The following SEMA4D variants were observed in gnomAD, a reference collection of about 807,000 sequenced individuals.
SEMA4D encodes semaphorin-4D.
A neutral mutation model predicts 74.8 loss-of-function variants in SEMA4D; 22 were observed. The observed-to-expected ratio is 0.29, with a 90% confidence interval of 0.21 to 0.42. The LOEUF (loss-of-function observed/expected upper bound fraction) is 0.42, where lower values mean the gene tolerates loss of function less well. SEMA4D is among the 10% of genes least tolerant of loss of function. SEMA4D has a pLI of 1.00. For missense variants in SEMA4D, 937 were observed against 1,118.4 expected, an observed-to-expected ratio of 0.84 and a Z score of 2.31; for synonymous variants, 445 against 463.7, an observed-to-expected ratio of 0.96 and a Z score of 0.52.
chr9:89,496,783 C>T (rs1210086481), intron 1 of SEMA4D, among the ~76,000 whole-genome samples: 6 of 152,202 alleles, frequency 3.9e-5, no homozygotes, highest in Non-Finnish European at 8.8e-5. Flanking sequence ...AGCAGGCAGG[C>T]CCCAGGCCTA....
chr9:89,377,245 A>C lies in SEMA4D; in HGVS notation c.*1459T>G. 1 of 752,980 alleles carries C rather than the reference A, an allele frequency of 1.3e-6. No homozygotes were observed. Among genetic ancestry groups the C allele is most frequent in the Non-Finnish European group, 2.0e-6 (1 of 511,260 alleles). 46.6% of individuals were successfully genotyped at this position (752,980 alleles called of 1,614,324 possible). A position where few individuals can be genotyped will look rare whatever the true frequency, so the allele number is the denominator to read the frequency against. The stretch of plus-strand genomic sequence containing the variant: ...AATGTCTTCCCCAAATCAAGGATAG[A>C]AGCTTCTCATTTATTTGGGTACTTT... On this transcript the variant is annotated 3_prime_UTR_variant, in exon 16 of 16. Coordinates refer to ENST00000422704, the MANE Select transcript of SEMA4D (RefSeq NM_001371194.2).
rs562043637 is a variant in SEMA4D at position 89,448,494 on chromosome 9, C to T, written c.-244+7394G>A. 1.7e-4 allele frequency among the ~76,000 whole-genome samples: 26 copies of T among 152,330 alleles called. 1 individual carries two copies. Among genetic ancestry groups the T allele is most frequent in the African/African-American group, 6.3e-4 (26 of 41,588 alleles). The stretch of plus-strand genomic sequence containing the variant: ...GCGATGTGGGATAGAGACAGGGAGG[C>T]AAGGTATGCCTACCCAGACCAGCCG... On this transcript the variant is annotated intron_variant, in intron 2 of 15. Coordinates refer to ENST00000422704, the MANE Select transcript of SEMA4D (RefSeq NM_001371194.2).
chr9:89,462,448 G>A (rs985003954), intron 1 of SEMA4D, among the ~76,000 whole-genome samples: 5 of 152,306 alleles, frequency 3.3e-5, no homozygotes, highest in South Asian at 2.1e-4. Context: ...TGTGAGCAAC[G>A]GCAGGCAACC....
chr9:89,480,201 C>T (rs1293307598), intron 1 of SEMA4D, among the ~76,000 whole-genome samples: 1 of 150,946 alleles, frequency 6.6e-6, no homozygotes, highest in African/African-American at 2.4e-5. Context: ...AGGTTCTCCA[C>T]GTCCTCACCA....
chr9:89,450,869 C>A, intron 2 of SEMA4D: 1 of 496,402 alleles, frequency 2.0e-6, no homozygotes, highest in Non-Finnish European at 3.5e-6. Context: ...GTGGGGGTGT[C>A]CCTGCCGCCA....
chr9:89,466,278 A>T (rs1036915830), intron 1 of SEMA4D, among the ~76,000 whole-genome samples: 1 of 152,184 alleles, frequency 6.6e-6, no homozygotes, highest in African/African-American at 2.4e-5. Context: ...CTCCGCTCTG[A>T]GTTCCCACGT....
chr9:89,464,396 G>A (rs529253660), intron 1 of SEMA4D, among the ~76,000 whole-genome samples: 92 of 152,306 alleles, frequency 6.0e-4, no homozygotes, highest in African/African-American at 2.1e-3. Flanking sequence ...AGCCACAGTT[G>A]GGGGTGGGGG....
chr9:89,386,325 C>T (rs775294483), intron 13 of SEMA4D, 42 bp downstream of exon 13: 46 of 1,459,052 alleles, frequency 3.2e-5, no homozygotes, highest in Middle Eastern at 1.8e-4. Flanking sequence ...TCAAAGCCAC[C>T]GAGCGGAGAA....
At chr9:89,376,800 C>CAGGGCACAGGGGACAGAG, downstream of SEMA4D, 1 of 1,526,358 alleles carries the variant, frequency 6.6e-7, no homozygotes. Flanking sequence ...GACAGATGGA[C>CAGGGCACAGGGGACAGAG]AGGGCACAGG....
At chr9:89,445,083 T>C (rs1852513564) in intron 2 of SEMA4D, among the ~76,000 whole-genome samples, 1 of 152,150 alleles carries the variant, frequency 6.6e-6, no homozygotes. Flanking sequence ...CACTCTGCCC[T>C]TGAAGACTGA....
chr9:89,435,683 T>C (rs976928327), intron 2 of SEMA4D, among the ~76,000 whole-genome samples: 16 of 152,126 alleles, frequency 1.1e-4, no homozygotes, highest in African/African-American at 3.1e-4. Context: ...CCCACGGCTT[T>C]ATGCAGAGCA....
chr9:89,435,729 C>T (rs777588061), intron 2 of SEMA4D, among the ~76,000 whole-genome samples: 32 of 152,350 alleles, frequency 2.1e-4, no homozygotes, highest in Admixed American at 9.1e-4. Context: ...CACCCGGCCC[C>T]GACCAGCCTG....
At chr9:89,446,415 G>A (rs1852867835) in intron 2 of SEMA4D, among the ~76,000 whole-genome samples, 1 of 152,164 alleles carries the variant, frequency 6.6e-6, no homozygotes, top group African/African-American at 2.4e-5. Flanking sequence ...CTACCACAAG[G>A]GGCAAAACCA....
intron 7 of SEMA4D, 140 bp downstream of exon 7, chr9:89,393,422 C>T: frequency 3.0e-6 from 2 of 675,956 alleles, no homozygotes; most frequent in Non-Finnish European, 5.3e-6. Flanking sequence ...TATGCAGTCA[C>T]ATGTGCCTTT....
In SEMA4D at chr9:89,492,634, C is replaced by G. The variant is rs753588569; in HGVS notation, c.-310+5285G>C. On this transcript the variant is annotated intron_variant, in intron 1 of 15. Transcript: ENST00000422704. The surrounding 1 kb of genome is among the most constrained non-coding windows in gnomAD (Gnocchi z 4.3). The stretch of plus-strand genomic sequence containing the variant: ...GAAGACCTCAGTCTCAGAGTGATGG[C>G]AACTCTACCCTTCCAACACCCGATC... 6.6e-6 allele frequency among the ~76,000 whole-genome samples: 1 copy of G among 152,134 alleles called. No individual in the cohort carries two copies. Among genetic ancestry groups the G allele is most frequent in the Non-Finnish European group, 1.5e-5 (1 of 68,032 alleles).
At chr9:89,362,229 C>G in exon 19 of SEMA4D, 1 of 1,116,660 alleles carries the variant, frequency 9.0e-7, no homozygotes. Flanking sequence ...CCAGGCTTCT[C>G]CACTGTCCCG....
chr9:89,394,540 G>T (rs968267500), intron 6 of SEMA4D, among the ~76,000 whole-genome samples: 2 of 152,244 alleles, frequency 1.3e-5, no homozygotes, highest in Admixed American at 6.5e-5. Context: ...CACAGAACAC[G>T]CGTGGGGATG....
At chr9:89,371,924 T>TGG (rs1834988856) in intron 16 of SEMA4D, among the ~76,000 whole-genome samples, 1 of 129,740 alleles carries the variant, frequency 7.7e-6, no homozygotes, top group African/African-American at 3.0e-5. Context: ...GTGTGGGGTG[T>TGG]GGTGTGTGTG....
At position 89,396,793 on chromosome 9, in the gene SEMA4D, C is replaced by T. The variant is rs745686318; in HGVS notation, c.358G>A (p.Ala120Thr). ...NYIRVLQPLS[A>T]TSLYVCGTNA... Reference sequence around the variant, plus strand: ...GTCCCACACACGTAAAGGGAAGTGGCGCTGAGTGGCTGCAGCACCCGGATG... The same window carrying T: ...GTCCCACACACGTAAAGGGAAGTGGTGCTGAGTGGCTGCAGCACCCGGATG... Residue 120 changes from alanine to threonine, a missense_variant, in exon 6 of 16, where the codon GCC (alanine) becomes ACC (threonine). Transcript: ENST00000422704. 17 of 1,613,870 alleles carry T rather than the reference C, an allele frequency of 1.1e-5. No individual in the cohort carries two copies. Among genetic ancestry groups the T allele is most frequent in the South Asian group, 2.2e-5 (2 of 91,042 alleles).
Sources: gnomAD v4.1 joint callset for allele counts (sites outside exome capture counted in the v4.1 genomes callset) on GRCh38, gnomAD v4.1.1 for gene constraint, Gnocchi (gnomAD v3.1) non-coding constraint, MANE v1.5 for transcripts, NCBI Gene and HGNC (gene_info 2026-07-23, HGNC 2026-07-21) for gene names.